Variants in ITPK1 observed in about 807,000 individuals in gnomAD.
The protein encoded by ITPK1 is inositol 1,3,4-trisphosphate 5/6-kinase.
In ITPK1, 21 loss-of-function variants were observed where a neutral mutation model predicts 45.3. That is an observed-to-expected ratio of 0.46 (90% confidence interval 0.33 to 0.67). The LOEUF is 0.67. Among genes scored for constraint, ITPK1 ranks in the 30% least tolerant of loss-of-function variants. ITPK1 has a pLI of 0.02. For missense variants in ITPK1, 474 were observed against 573.5 expected, an observed-to-expected ratio of 0.83 and a Z score of 1.77; for synonymous variants, 258 against 253.6, an observed-to-expected ratio of 1.02 and a Z score of -0.16.
chr14:93,091,908 C>T (rs778646327), intron 2 of ITPK1, among the ~76,000 whole-genome samples: 3 of 152,172 alleles, frequency 2.0e-5, no homozygotes, highest in Non-Finnish European at 2.9e-5. Flanking sequence ...ACTGGCAGGC[C>T]GGGTGCACTC....
At chr14:93,019,915 G>GA (rs1376219501) in intron 3 of ITPK1, among the ~76,000 whole-genome samples, 1 of 152,142 alleles carries the variant, frequency 6.6e-6, no homozygotes, top group African/African-American at 2.4e-5. Context: ...TCTGCCCCCA[G>GA]AAAAAAGAAC....
rs1053054489 is a variant in ITPK1 at position 93,034,915 on chromosome 14, A to G, written c.121-18114T>C. On this transcript the variant is annotated intron_variant, in intron 3 of 10. Coordinates refer to ENST00000267615, the MANE Select transcript of ITPK1 (RefSeq NM_014216.6). This position sits in a 1 kb window ranked among gnomAD's most constrained non-coding sequence, Gnocchi z 4.1. ...CCTCCCATCACCTATGGGGCCTGGC[A>G]GGCCTTCCCTTCTCCAGCCCCACCC... Among the ~76,000 whole-genome samples the G allele has an allele frequency of 2.6e-5, 4 of 152,226 alleles. No homozygotes were observed. Among genetic ancestry groups the G allele is most frequent in the Non-Finnish European group, 5.9e-5 (4 of 68,028 alleles).
intron 2 of ITPK1, among the ~76,000 whole-genome samples, chr14:93,094,149 C>T (rs1258099480): frequency 6.6e-6 from 1 of 152,236 alleles, no homozygotes; most frequent in Admixed American, 6.5e-5. Flanking sequence ...TTTCCTCCTC[C>T]GTTCTACCCG....
At position 92,941,806 on chromosome 14, in the gene ITPK1, C is replaced by T. The variant is rs534825616; in HGVS notation, c.1000G>A (p.Ala334Thr). The T allele has an allele frequency of 4.9e-5, 79 of 1,611,548 alleles. No homozygotes were observed. The East Asian group carries it at 5.4e-4, about 11-fold the overall frequency. The part of the protein sequence containing the change: ...STAMAATGDV[A>T]LLRHSKLLAE... Reference sequence around the variant, plus strand: ...AGAAGCTTGCTGTGCCTCAGCAGGGCCACGTCCCCTGTGGCTGCCATGGCT... The same window carrying T: ...AGAAGCTTGCTGTGCCTCAGCAGGGTCACGTCCCCTGTGGCTGCCATGGCT... Residue 334 changes from alanine to threonine, a missense_variant, in exon 11 of 11, where the codon GCC becomes ACC. By Grantham distance (58) the Ala-to-Thr change is moderately conservative. Coordinates refer to ENST00000267615, the MANE Select transcript of ITPK1 (RefSeq NM_014216.6).
At chr14:93,070,396 C>T (rs1279176666) in intron 3 of ITPK1, 2 of 152,360 alleles carry the variant, frequency 1.3e-5, no homozygotes, top group Non-Finnish European at 2.9e-5. Flanking sequence ...CAGCACCTAG[C>T]AAGGCTGATG....
At chr14:92,982,934 C>A (rs566494694) in intron 5 of ITPK1, among the ~76,000 whole-genome samples, 1 of 152,316 alleles carries the variant, frequency 6.6e-6, no homozygotes, top group South Asian at 2.1e-4. Context: ...TGGTGACAGG[C>A]AAGCTGTGGA....
intron 5 of ITPK1, among the ~76,000 whole-genome samples, chr14:92,976,165 C>CT (rs1002287076): frequency 6.6e-6 from 1 of 152,218 alleles, no homozygotes; most frequent in African/African-American, 2.4e-5. Context: ...CTAATACAGA[C>CT]TATAACTTAC....
chr14:93,083,401 C>G (rs1891520151), intron 2 of ITPK1, among the ~76,000 whole-genome samples: 1 of 152,160 alleles, frequency 6.6e-6, no homozygotes, highest in Non-Finnish European at 1.5e-5. Context: ...CTCCCCAGGG[C>G]AGGGTGGGGA....
intron 3 of ITPK1, among the ~76,000 whole-genome samples, chr14:93,055,640 C>T (rs938611610): frequency 9.9e-5 from 15 of 152,154 alleles, no homozygotes; most frequent in African/African-American, 3.6e-4. Context: ...CGCATGAGCT[C>T]GGGACTCCTC....
chr14:92,951,287 A>G (rs901853997), intron 9 of ITPK1, among the ~76,000 whole-genome samples: 1 of 152,262 alleles, frequency 6.6e-6, no homozygotes, highest in Non-Finnish European at 1.5e-5. Context: ...TGGTGAGGTC[A>G]GAAGTCCTAA....
In ITPK1 at chr14:93,108,968, G is replaced by C. The variant is rs943468685; in HGVS notation, c.95+6101C>G. ...GCGGAGGTTGCGGTGAGCCAAGATC[G>C]TGCCACTGCACTCCAGTCTAGGCGA... On this transcript the variant is annotated intron_variant, in intron 2 of 10. Coordinates refer to ENST00000267615, the MANE Select transcript of ITPK1 (RefSeq NM_014216.6). 3.9e-5 allele frequency among the ~76,000 whole-genome samples: 6 copies of C among 152,178 alleles called. No individual in the cohort carries two copies. In the East Asian group the frequency reaches 7.7e-4, roughly 20 times the overall value.
chr14:93,035,707 C>T (rs1595157228), intron 3 of ITPK1, among the ~76,000 whole-genome samples: 2 of 152,230 alleles, frequency 1.3e-5, no homozygotes, highest in East Asian at 3.9e-4. Flanking sequence ...TGGGAACAAC[C>T]ATGGCTGTCC....
At chr14:93,082,828 G>A (rs936024583) in intron 2 of ITPK1, among the ~76,000 whole-genome samples, 5 of 152,220 alleles carry the variant, frequency 3.3e-5, no homozygotes, top group African/African-American at 1.2e-4. Flanking sequence ...TCTATGTGGC[G>A]AGAATCCAGA....
Position 92,940,257 on chromosome 14 carries a change from T to C in ITPK1, c.*1304A>G. 2.0e-6 allele frequency: 2 copies of C among 987,364 alleles called. No homozygotes were observed. The highest frequency in any genetic ancestry group is 2.4e-6 in the Non-Finnish European group (2 of 831,200). The allele number at this position is 987,364 out of a possible 1,614,324, so 61.2% of individuals were successfully genotyped here. A position where few individuals can be genotyped will look rare whatever the true frequency, so the allele number is the denominator to read the frequency against. On this transcript the variant is annotated 3_prime_UTR_variant, in exon 11 of 11. Coordinates refer to ENST00000267615, the MANE Select transcript of ITPK1 (RefSeq NM_014216.6). ...TTCACTTTTTCAAAGTAAACTGCTA[T>C]CTTAAGACACAAAAACATACTTGTG... is the stretch of plus-strand genomic sequence containing the variant.
intron 3 of ITPK1, among the ~76,000 whole-genome samples, chr14:93,064,819 G>A (rs1235709898): frequency 6.6e-6 from 1 of 152,218 alleles, no homozygotes; most frequent in Non-Finnish European, 1.5e-5. Flanking sequence ...GCAAAGACGG[G>A]AGCCACTGTG....
intron 3 of ITPK1, among the ~76,000 whole-genome samples, chr14:93,057,911 C>G (rs1890276956): frequency 6.6e-6 from 1 of 152,232 alleles, no homozygotes; most frequent in South Asian, 2.1e-4. Flanking sequence ...TGCTGTCTCT[C>G]AAGGGGCTAC....
chr14:92,988,766 G>A (rs111767141), intron 5 of ITPK1, among the ~76,000 whole-genome samples: 3 of 152,314 alleles, frequency 2.0e-5, no homozygotes, highest in Non-Finnish European at 2.9e-5. Context: ...AGTAACTTAA[G>A]ATCAAAGCCC....
Position 92,938,679 on chromosome 14 carries a change from A to T in ITPK1, c.*2882T>A. The T allele has an allele frequency of 3.0e-6, 2 of 661,590 alleles. No individual in the cohort carries two copies. Among genetic ancestry groups the T allele is most frequent in the Non-Finnish European group, 5.5e-6 (2 of 365,614 alleles). The allele number at this position is 661,590 out of a possible 1,614,324, so 41.0% of individuals were successfully genotyped here. A position where few individuals can be genotyped will look rare whatever the true frequency, so the allele number is the denominator to read the frequency against. ...GGCCATGCTGGGTGACTGCAGGCCC[A>T]GCCCACCCACCACGTGTGGACCCAG... is the stretch of plus-strand genomic sequence containing the variant. On this transcript the variant is annotated 3_prime_UTR_variant, in exon 11 of 11. Coordinates refer to ENST00000267615, the MANE Select transcript of ITPK1 (RefSeq NM_014216.6).
At chr14:93,114,746 G>GC (rs1892871655) in intron 2 of ITPK1, among the ~76,000 whole-genome samples, 1 of 152,174 alleles carries the variant, frequency 6.6e-6, no homozygotes, top group African/African-American at 2.4e-5. Context: ...CAGCGTGGAT[G>GC]CCCCGATTTC....
Sources: allele counts gnomAD v4.1 joint callset (sites outside exome capture counted in the v4.1 genomes callset), GRCh38; gene constraint gnomAD v4.1.1; non-coding constraint Gnocchi (gnomAD v3.1); transcripts MANE v1.5; gene names NCBI Gene and HGNC (gene_info 2026-07-23, HGNC 2026-07-21).